PIK3AP1: variants seen among roughly 807,000 people sequenced by gnomAD.
PIK3AP1 encodes the protein phosphoinositide 3-kinase adapter protein 1.
PIK3AP1 carries 21 observed loss-of-function variants against 88.1 expected under a neutral mutation model. That is an observed-to-expected ratio of 0.24 (90% CI 0.17 to 0.34). PIK3AP1 has a LOEUF of 0.34. Among genes scored for constraint, PIK3AP1 ranks in the 10% least tolerant of loss-of-function variants. PIK3AP1 has a pLI of 1.00. For synonymous variants in PIK3AP1, 398 were observed against 400.0 expected, an observed-to-expected ratio of 1.00 and a Z score of 0.06; for missense variants, 828 against 1,035.7, an observed-to-expected ratio of 0.80 and a Z score of 2.75.
At chr10:96,640,677 G>C (rs938901219) in intron 8 of PIK3AP1, among the ~76,000 whole-genome samples, 1 of 150,476 alleles carries the variant, frequency 6.6e-6, no homozygotes, top group African/African-American at 2.4e-5. Context: ...TTTAATTTTT[G>C]AGACAGGGTC....
At chr10:96,617,964 G>A (rs1019553277) in intron 12 of PIK3AP1, among the ~76,000 whole-genome samples, 1 of 152,204 alleles carries the variant, frequency 6.6e-6, no homozygotes, top group African/African-American at 2.4e-5. Flanking sequence ...TCCATTGTGA[G>A]AGGGTGACGT....
chr10:96,703,469 C>T (rs1210324064), intron 2 of PIK3AP1, among the ~76,000 whole-genome samples: 1 of 152,074 alleles, frequency 6.6e-6, no homozygotes, highest in African/African-American at 2.4e-5. Flanking sequence ...TTCCCTCCAC[C>T]CTCAACACAC....
At chr10:96,683,965 G>A (rs556470467) in intron 2 of PIK3AP1, among the ~76,000 whole-genome samples, 1 of 152,316 alleles carries the variant, frequency 6.6e-6, no homozygotes, top group Admixed American at 6.5e-5. Flanking sequence ...GAATTAGACT[G>A]ATGGCTAACA....
chr10:96,697,350 T>C (rs1844235107), intron 2 of PIK3AP1, among the ~76,000 whole-genome samples: 1 of 152,066 alleles, frequency 6.6e-6, no homozygotes, highest in African/African-American at 2.4e-5. Flanking sequence ...TAACTTGAAG[T>C]GTACCCTACT....
Position 96,623,510 on chromosome 10 carries a change from G to A in PIK3AP1, c.1697C>T (p.Pro566Leu). Residue 566 changes from proline (P) to leucine (L), a missense_variant, in exon 11 of 17, where the codon CCT becomes CTT. Pro to Leu is a moderately conservative substitution (Grantham distance 98). Around this residue, in one of 3 missense-constraint regions of PIK3AP1, gnomAD observed 610 missense variants for 760.1 expected, o/e 0.80. Transcript: ENST00000339364. ...KVFAEKSQER[P>L]GNFYVSSESI... ...CTCTGAGGAAACGTAGAAATTCCCA[G>A]GCCGCTCTTGACTTTTTTCTGCAAA... The A allele has an allele frequency of 6.2e-7, 1 of 1,611,922 alleles. No homozygotes were observed. Among genetic ancestry groups the A allele is most frequent in the South Asian group, 1.1e-5 (1 of 91,026 alleles).
chr10:96,687,485 C>G (rs955365042), intron 2 of PIK3AP1, among the ~76,000 whole-genome samples: 6 of 152,102 alleles, frequency 3.9e-5, no homozygotes, highest in Non-Finnish European at 8.8e-5. Context: ...GTAATCATTA[C>G]CAGATCAGCA....
intron 8 of PIK3AP1, among the ~76,000 whole-genome samples, chr10:96,637,313 A>ATCAC (rs1554956462): frequency 0.049 from 3,434 of 69,904 alleles, 73 homozygotes; most frequent in East Asian, 0.14. Context: ...GAGATATACA[A>ATCAC]TCACACACAC....
intron 13 of PIK3AP1, among the ~76,000 whole-genome samples, chr10:96,616,191 G>A (rs561669630): frequency 5.0e-4 from 76 of 152,264 alleles, no homozygotes; most frequent in African/African-American, 1.7e-3. Flanking sequence ...CTACACCTGG[G>A]GCATGGGCTT....
intron 15 of PIK3AP1, chr10:96,603,612 C>T (rs1848942239): frequency 6.4e-6 from 1 of 156,248 alleles, no homozygotes; most frequent in Admixed American, 6.5e-5. Context: ...TTCCTTGCTC[C>T]TCAGCTTGCA....
intron 8 of PIK3AP1, among the ~76,000 whole-genome samples, chr10:96,634,891 T>G (rs1843292693): frequency 6.6e-6 from 1 of 152,166 alleles, no homozygotes. Context: ...CTCCTTGTCC[T>G]TTCCAGACTC....
intron 2 of PIK3AP1, among the ~76,000 whole-genome samples, chr10:96,701,196 C>G (rs1158058949): frequency 6.6e-6 from 1 of 152,200 alleles, no homozygotes; most frequent in Non-Finnish European, 1.5e-5. Flanking sequence ...CAATGCTCAG[C>G]CTGACTTGGA....
chr10:96,637,417 G>C (rs1184882826), intron 8 of PIK3AP1, among the ~76,000 whole-genome samples: 1 of 151,948 alleles, frequency 6.6e-6, no homozygotes, highest in African/African-American at 2.4e-5. Context: ...AGGCTGGAGT[G>C]CAGTGGTGCA....
At chr10:96,702,614 CCACACACACACA>C (rs3035892) in intron 2 of PIK3AP1, among the ~76,000 whole-genome samples, 2 of 145,172 alleles carry the variant, frequency 1.4e-5, no homozygotes, top group African/African-American at 5.0e-5. Flanking sequence ...AGTGTTCTCA[CCACACACACACA>C]CACACACACA....
At chr10:96,702,050 T>C (rs1844304664) in intron 2 of PIK3AP1, among the ~76,000 whole-genome samples, 2 of 152,168 alleles carry the variant, frequency 1.3e-5, no homozygotes, top group Non-Finnish European at 1.5e-5. Flanking sequence ...ATAACCCAGA[T>C]ACAGGAAGGC....
chr10:96,671,108 C>G (rs1843840152), intron 2 of PIK3AP1, among the ~76,000 whole-genome samples: 1 of 152,210 alleles, frequency 6.6e-6, no homozygotes, highest in Non-Finnish European at 1.5e-5. Context: ...GCTATTTCCT[C>G]AGAAATTCAG....
intron 16 of PIK3AP1, among the ~76,000 whole-genome samples, chr10:96,597,714 G>T (rs916707324): frequency 1.3e-5 from 2 of 152,156 alleles, no homozygotes; most frequent in African/African-American, 4.8e-5. Context: ...AGGAAAGTAG[G>T]TAGCAGTTTC....
chr10:96,645,729 C>T (rs577729838), intron 7 of PIK3AP1, 67 bp from the exon 8 acceptor site: 63 of 1,403,142 alleles, frequency 4.5e-5, no homozygotes, highest in African/African-American at 4.4e-4. Context: ...ACTTGGCCCC[C>T]GAAGGCACTT....
intron 2 of PIK3AP1, among the ~76,000 whole-genome samples, chr10:96,667,508 C>T (rs900234836): frequency 1.3e-5 from 2 of 152,182 alleles, no homozygotes; most frequent in Non-Finnish European, 2.9e-5. Flanking sequence ...ACACATTTTA[C>T]AGCCAAAATC....
intron 10 of PIK3AP1, among the ~76,000 whole-genome samples, chr10:96,625,014 G>C (rs1164586109): frequency 6.6e-6 from 1 of 152,234 alleles, no homozygotes; most frequent in East Asian, 1.9e-4. Flanking sequence ...AGTGCAAGTT[G>C]TCTATTTGAG....
Sources: allele counts gnomAD v4.1 joint callset (sites outside exome capture counted in the v4.1 genomes callset), GRCh38; gene constraint gnomAD v4.1.1; regional missense constraint gnomAD v4.1.1; transcripts MANE v1.5; gene names NCBI Gene and HGNC (gene_info 2026-07-23, HGNC 2026-07-21).